The following GPM6A variants were observed in gnomAD, a reference collection of about 807,000 sequenced individuals.
The protein encoded by GPM6A is glycoprotein M6A.
A neutral mutation model predicts 32.1 loss-of-function variants in GPM6A; 7 were observed. The ratio of observed to expected loss-of-function variants is 0.22; its 90% CI spans 0.12 to 0.41. The LOEUF (loss-of-function observed/expected upper bound fraction) is 0.41. Ranked by LOEUF, GPM6A falls within the 10% of genes least tolerant of loss-of-function variation. GPM6A has a pLI of 1.00. For missense variants in GPM6A, 235 were observed against 347.2 expected (o/e 0.68, Z 2.57); for synonymous variants, 130 against 123.4 (o/e 1.05, Z -0.35).
At chr4:175,940,530 A>G (rs1220741306) in intron 1 of GPM6A, among the ~76,000 whole-genome samples, 2 of 152,102 alleles carry the variant, frequency 1.3e-5, no homozygotes, top group East Asian at 3.8e-4. Context: ...TATTTCATTT[A>G]TAACAGCTGC....
chr4:175,938,737 C>CAAAAAAAAAAAAAAAA (rs3034711), intron 1 of GPM6A, among the ~76,000 whole-genome samples: 1 of 134,096 alleles, frequency 7.5e-6, no homozygotes. Flanking sequence ...AAAGTAAAAC[C>CAAAAAAAAAAAAAAAA]AAAAAAAAAA....
chr4:175,917,573 T>C (rs1024924863), intron 1 of GPM6A, among the ~76,000 whole-genome samples: 2 of 152,172 alleles, frequency 1.3e-5, no homozygotes, highest in African/African-American at 4.8e-5. Flanking sequence ...GTTACCATAG[T>C]AGTGTGGGCG....
chr4:175,691,278 T>C (rs935339588), intron 2 of GPM6A, among the ~76,000 whole-genome samples: 9 of 152,192 alleles, frequency 5.9e-5, no homozygotes, highest in Admixed American at 2.0e-4. Context: ...TTACATTCAC[T>C]ACTTTTGCCT....
intron 1 of GPM6A, among the ~76,000 whole-genome samples, chr4:175,904,466 A>C (rs10026363): frequency 0.99 from 149,997 of 152,226 alleles, 73,945 homozygotes; most frequent in East Asian, 1. Context: ...ACACACACAT[A>C]CATGTTCATA....
chr4:175,714,515 T>C (rs1330398858), intron 1 of GPM6A, among the ~76,000 whole-genome samples: 2 of 151,996 alleles, frequency 1.3e-5, no homozygotes, highest in African/African-American at 4.8e-5. Context: ...TCCCAAAGTG[T>C]TGGGATTATA....
intron 1 of GPM6A, among the ~76,000 whole-genome samples, chr4:175,860,187 T>C (rs142610395): frequency 2.0e-5 from 3 of 150,802 alleles, no homozygotes; most frequent in East Asian, 2.0e-4. Context: ...AGTGAGAAGA[T>C]AACAATACAA....
intron 1 of GPM6A, among the ~76,000 whole-genome samples, chr4:175,897,074 C>T (rs1737817427): frequency 6.6e-6 from 1 of 151,898 alleles, no homozygotes. Flanking sequence ...AAAGTTAATA[C>T]AGGGAATAAG....
intron 1 of GPM6A, among the ~76,000 whole-genome samples, chr4:175,837,044 A>G (rs547284222): frequency 1.3e-5 from 2 of 152,304 alleles, no homozygotes; most frequent in African/African-American, 4.8e-5. Flanking sequence ...CATGAACCCA[A>G]TGTAATCATA....
At chr4:175,755,233 G>T (rs552512688) in intron 1 of GPM6A, among the ~76,000 whole-genome samples, 2 of 152,024 alleles carry the variant, frequency 1.3e-5, no homozygotes, top group South Asian at 4.2e-4. Context: ...TGGCATTTCT[G>T]GTTGACAATG....
At chr4:175,706,702 C>G (rs911509039) in intron 1 of GPM6A, among the ~76,000 whole-genome samples, 1 of 152,166 alleles carries the variant, frequency 6.6e-6, no homozygotes, top group Non-Finnish European at 1.5e-5. Flanking sequence ...GCAACTCCAT[C>G]TTGAATAGGG....
chr4:175,711,730 G>A (rs1254982051), intron 1 of GPM6A, among the ~76,000 whole-genome samples: 3 of 123,356 alleles, frequency 2.4e-5, no homozygotes, highest in African/African-American at 9.1e-5. Context: ...GGGGGGTGGG[G>A]AGGCTGGCCT....
At chr4:175,825,516 C>T (rs1356424324) in intron 1 of GPM6A, among the ~76,000 whole-genome samples, 1 of 152,058 alleles carries the variant, frequency 6.6e-6, no homozygotes, top group Non-Finnish European at 1.5e-5. Flanking sequence ...TAAACAAATA[C>T]ATTAAGGAGC....
At chr4:175,936,263 G>A (rs186543179) in intron 1 of GPM6A, among the ~76,000 whole-genome samples, 1,969 of 116,542 alleles carry the variant, frequency 0.017, 46 homozygotes, top group African/African-American at 0.064. Context: ...CCAAGATCGC[G>A]CCACTGCACT....
At chr4:175,914,739 AG>A (rs143300461) in intron 1 of GPM6A, among the ~76,000 whole-genome samples, 1 of 152,196 alleles carries the variant, frequency 6.6e-6, no homozygotes, top group South Asian at 2.1e-4. Flanking sequence ...TGTCAGAGCG[AG>A]GGGGGGCCAC....
chr4:175,697,440 A>G (rs1320502451), intron 2 of GPM6A, among the ~76,000 whole-genome samples: 1 of 152,176 alleles, frequency 6.6e-6, no homozygotes, highest in Non-Finnish European at 1.5e-5. Flanking sequence ...ACATAGCAGA[A>G]AGCGGCAGAG....
chr4:175,755,869 C>A (rs535261252), intron 1 of GPM6A, among the ~76,000 whole-genome samples: 1 of 152,246 alleles, frequency 6.6e-6, no homozygotes, highest in East Asian at 1.9e-4. Flanking sequence ...CTACAACGAT[C>A]TCAGGAGATT....
At position 175,634,844 on chromosome 4, in the gene GPM6A, T is replaced by C; in HGVS notation, c.*61A>G. The C allele has an allele frequency of 4.2e-6, 6 of 1,428,782 alleles. No homozygotes were observed. Among genetic ancestry groups the C allele is most frequent in the Non-Finnish European group, 5.9e-6 (6 of 1,024,248 alleles). The allele number at this position is 1,428,782 out of a possible 1,614,324, so 88.5% of individuals were successfully genotyped here. A position where few individuals can be genotyped will look rare whatever the true frequency, so the allele number is the denominator to read the frequency against. ...GTTTTGTTTTTTAAAGGTTGGATGG[T>C]TGGATGGCCCTTAGTTAAACACCAA... On this transcript the variant is annotated 3_prime_UTR_variant, in exon 7 of 7. Transcript: ENST00000393658.
intron 1 of GPM6A, among the ~76,000 whole-genome samples, chr4:175,763,491 A>G (rs1399841125): frequency 6.6e-6 from 1 of 152,190 alleles, no homozygotes; most frequent in South Asian, 2.1e-4. Context: ...ATAAGCATAA[A>G]CCCACTTAAG....
At position 175,708,235 on chromosome 4, in the gene GPM6A, A is replaced by G. The variant is rs61472511; in HGVS notation, c.38-6468T>C. Among the ~76,000 whole-genome samples, 764 of 152,292 alleles carry G rather than the reference A, an allele frequency of 5.0e-3. 8 individuals carry two copies. Among genetic ancestry groups the G allele is most frequent in the African/African-American group, 0.017 (722 of 41,548 alleles). On this transcript the variant is annotated intron_variant, in intron 1 of 6. Transcript: ENST00000393658. ...GAAATCTAAACAAAGAGGTGGGGTAAGGAGTACTGGAATATCAGTTTCAAT... is the reference window on the plus strand; with the variant it reads ...GAAATCTAAACAAAGAGGTGGGGTAGGGAGTACTGGAATATCAGTTTCAAT...
Sources: gnomAD v4.1 joint callset for allele counts (sites outside exome capture counted in the v4.1 genomes callset) on GRCh38, gnomAD v4.1.1 for gene constraint, MANE v1.5 for transcripts, NCBI Gene and HGNC (gene_info 2026-07-23, HGNC 2026-07-21) for gene names.